IL22RA1: variants seen among roughly 807,000 people sequenced by gnomAD.
The protein encoded by IL22RA1 is interleukin-22 receptor subunit alpha-1.
In IL22RA1, 25 loss-of-function variants were observed where a neutral mutation model predicts 32.8. That is an observed-to-expected ratio of 0.76 (90% CI 0.55 to 1.06). The LOEUF is 1.06. Ranked by LOEUF, IL22RA1 falls within the 50% of genes least tolerant of loss-of-function variation. The pLI is 0.00. For synonymous variants in IL22RA1, 305 were observed against 305.0 expected, an observed-to-expected ratio of 1.00 and a Z score of 0.00; for missense variants, 709 against 727.4, an observed-to-expected ratio of 0.97 and a Z score of 0.29.
At chr1:24,124,265 AG>A (rs1233274836) in intron 5 of IL22RA1, among the ~76,000 whole-genome samples, 3 of 152,088 alleles carry the variant, frequency 2.0e-5, no homozygotes, top group Non-Finnish European at 4.4e-5. Flanking sequence ...GAAAACAGGG[AG>A]GCCTGTCCTC....
chr1:24,134,327 C>A lies in IL22RA1; in HGVS notation c.415G>T (p.Val139Phe). The A allele has an allele frequency of 6.2e-7, 1 of 1,603,378 alleles. No individual in the cohort carries two copies. The highest frequency in any genetic ancestry group is 1.1e-5 in the South Asian group (1 of 89,772). The change falls in exon 4 of 7, where the codon GTT (valine) becomes TTT (phenylalanine). Residue 139 changes from valine (V) to phenylalanine (F), a missense_variant. Coordinates refer to ENST00000270800, the MANE Select transcript of IL22RA1 (RefSeq NM_021258.4). The stretch of plus-strand genomic sequence containing the variant: ...CGGATTGGCGTGGGGGTAGGATGAA[C>A]AATCATCTGAATCGATCTCACTTTG... ...ISKVRSIQMI[V>F]HPTPTPIRAG... is the part of the protein sequence containing the mutation.
rs1352624116 is a variant in IL22RA1 at position 24,121,485 on chromosome 1, G to C, written c.1045C>G (p.Leu349Val). The C allele has an allele frequency of 6.4e-7, 1 of 1,568,190 alleles. No homozygotes were observed. Among genetic ancestry groups the C allele is most frequent in the Admixed American group, 1.8e-5 (1 of 56,838 alleles). Residue 349 changes from leucine to valine, a missense_variant, in exon 7 of 7, where the codon CTG becomes GTG. By Grantham distance (32) the Leu-to-Val change is conservative. Transcript: ENST00000270800. Reference protein sequence around the residue: ...NVPPPQILSPLSYAPNAAPEV... With the variant: ...NVPPPQILSPVSYAPNAAPEV... The stretch of plus-strand genomic sequence containing the variant: ...GGGGCAGCGTTTGGGGCATAGGACA[G>C]TGGGGAGAGGATCTGGGGAGGTGGC...
intron 4 of IL22RA1, among the ~76,000 whole-genome samples, chr1:24,132,166 C>T (rs992596874): frequency 6.6e-6 from 1 of 151,996 alleles, no homozygotes; most frequent in African/African-American, 2.4e-5. Flanking sequence ...TCAAGCTTTG[C>T]GTTGGGGAAG....
intron 1 of IL22RA1, 80 bp downstream of exon 1, chr1:24,142,960 G>A (rs907769787): frequency 2.2e-6 from 3 of 1,345,476 alleles, no homozygotes; most frequent in African/African-American, 2.9e-5. Flanking sequence ...GCTCGGGCTG[G>A]GGAGGGTGCT....
At chr1:24,137,371 CTTA>C (rs1644249725) in intron 2 of IL22RA1, 62 bp from the exon 3 acceptor site, 26 of 1,483,942 alleles carry the variant, frequency 1.8e-5, no homozygotes, top group Middle Eastern at 3.5e-4. Context: ...AGGCCTGTGG[CTTA>C]TTAATAATGC....
intron 4 of IL22RA1, among the ~76,000 whole-genome samples, chr1:24,133,455 G>C (rs979072640): frequency 2.6e-5 from 4 of 152,124 alleles, no homozygotes; most frequent in African/African-American, 9.7e-5. Flanking sequence ...TCATTTAACT[G>C]AATTGTGGAT....
intron 4 of IL22RA1, among the ~76,000 whole-genome samples, chr1:24,129,187 C>T (rs944740489): frequency 5.9e-5 from 9 of 152,300 alleles, no homozygotes; most frequent in South Asian, 2.1e-4. Context: ...ACTGGTCTTT[C>T]GCTGGTTTTA....
intron 1 of IL22RA1, among the ~76,000 whole-genome samples, chr1:24,142,241 G>C (rs1342677508): frequency 6.6e-6 from 1 of 152,168 alleles, no homozygotes; most frequent in African/African-American, 2.4e-5. Flanking sequence ...CCTTTTCGTG[G>C]GCCTCGTCCT....
At chr1:24,139,511 G>A (rs554538595) in intron 1 of IL22RA1, among the ~76,000 whole-genome samples, 8 of 152,192 alleles carry the variant, frequency 5.3e-5, no homozygotes, top group Middle Eastern at 3.4e-3. Context: ...AAGAACTGTC[G>A]AACTATTTTC....
intron 4 of IL22RA1, among the ~76,000 whole-genome samples, chr1:24,130,443 G>A (rs1644196682): frequency 6.6e-6 from 1 of 152,162 alleles, no homozygotes; most frequent in South Asian, 2.1e-4. Context: ...TAGACTCCAA[G>A]CAGCCCAGGT....
At position 24,121,686 on chromosome 1, in the gene IL22RA1, C is replaced by A; in HGVS notation, c.844G>T (p.Val282Phe). The A allele has an allele frequency of 6.3e-7, 1 of 1,591,118 alleles. No homozygotes were observed. Among genetic ancestry groups the A allele is most frequent in the Non-Finnish European group, 8.6e-7 (1 of 1,166,344 alleles). Residue 282 changes from valine (V) to phenylalanine (F), a missense_variant, in exon 7 of 7, where the codon GTC becomes TTC. By Grantham distance (50) the Val-to-Phe change is conservative. Coordinates refer to ENST00000270800, the MANE Select transcript of IL22RA1 (RefSeq NM_021258.4). ...CTGAGGTCAAAGACAGGGATCAGGA[C>A]GTGCTCCTGGATGAAGCGCAGCGGC... ...FQPLRFIQEHVLIPVFDLSGP... is the reference protein window; with the variant it reads ...FQPLRFIQEHFLIPVFDLSGP...
chr1:24,130,560 A>G (rs1161136542), intron 4 of IL22RA1, among the ~76,000 whole-genome samples: 3 of 152,254 alleles, frequency 2.0e-5, no homozygotes, highest in East Asian at 1.9e-4. Context: ...TTGGAGGAAT[A>G]TAACAGAATC....
intron 4 of IL22RA1, 99 bp downstream of exon 4, chr1:24,134,112 A>T: frequency 1.0e-6 from 1 of 985,318 alleles, no homozygotes; most frequent in Non-Finnish European, 1.5e-6. Flanking sequence ...ATGCTAATTT[A>T]CATAACATGT....
At chr1:24,129,442 G>A (rs1644188199) in intron 4 of IL22RA1, among the ~76,000 whole-genome samples, 2 of 152,194 alleles carry the variant, frequency 1.3e-5, no homozygotes, top group South Asian at 4.1e-4. Context: ...TCCTCTCTCT[G>A]GGGCTGGCCC....
intron 4 of IL22RA1, among the ~76,000 whole-genome samples, chr1:24,128,715 C>T (rs539818169): frequency 1.3e-5 from 2 of 152,210 alleles, no homozygotes; most frequent in African/African-American, 4.8e-5. Context: ...TTCCTCATTG[C>T]TTCTGCCTTA....
At position 24,128,250 on chromosome 1, in the gene IL22RA1, C is replaced by T; in HGVS notation, c.561G>A (p.Glu187=). ...CTGTGTCAGGGGTCAGGCCGAAGAA[C>T]TCATATTCTCTCTGCTTCCCTCCAA... ...MHLGGKQREY[E]FFGLTPDTEF... Residue 187 remains glutamate, a synonymous_variant, in exon 5 of 7, where the codon GAG becomes GAA. Coordinates refer to ENST00000270800, the MANE Select transcript of IL22RA1 (RefSeq NM_021258.4). 1 of 1,612,998 alleles carries T rather than the reference C, an allele frequency of 6.2e-7. No homozygotes were observed. The highest frequency in any genetic ancestry group is 8.5e-7 in the Non-Finnish European group (1 of 1,179,512).
At chr1:24,123,835 C>A (rs1426776276) in intron 5 of IL22RA1, among the ~76,000 whole-genome samples, 1 of 152,304 alleles carries the variant, frequency 6.6e-6, no homozygotes, top group African/African-American at 2.4e-5. Flanking sequence ...AGGGCCCTCA[C>A]GCACATGTGT....
At chr1:24,123,178 A>G in intron 6 of IL22RA1, 124 bp downstream of exon 6, 1 of 1,375,294 alleles carries the variant, frequency 7.3e-7, no homozygotes, top group East Asian at 2.5e-5. Context: ...GAGCTCCGTG[A>G]ATGGAGAGAG....
At chr1:24,137,516 C>CTTTTT (rs11428028) in intron 2 of IL22RA1, among the ~76,000 whole-genome samples, 17 of 140,032 alleles carry the variant, frequency 1.2e-4, no homozygotes, top group South Asian at 2.2e-4. Flanking sequence ...TCCTTCCTTT[C>CTTTTT]TTTTTTTTTT....
Sources: allele counts gnomAD v4.1 joint callset (sites outside exome capture counted in the v4.1 genomes callset), GRCh38; gene constraint gnomAD v4.1.1; transcripts MANE v1.5; gene names NCBI Gene and HGNC (gene_info 2026-07-23, HGNC 2026-07-21).